The following EXT1 variants were observed in gnomAD, a reference collection of about 807,000 sequenced individuals.
The protein encoded by EXT1 is exostosin-1.
In EXT1, 20 loss-of-function variants were observed where a neutral mutation model predicts 82.5. That is an observed-to-expected ratio of 0.24 (90% CI 0.17 to 0.35). The LOEUF is 0.35. EXT1 is among the 10% of genes least tolerant of loss of function. The probability of loss-of-function intolerance (pLI) is 1.00; values close to 1 mark genes in which losing one functional copy is unlikely to be tolerated. For synonymous variants in EXT1, 348 were observed against 350.8 expected, an observed-to-expected ratio of 0.99 and a Z score of 0.09; for missense variants, 757 against 936.5, an observed-to-expected ratio of 0.81 and a Z score of 2.50.
chr8:118,068,062 T>C (rs947542366), intron 1 of EXT1, among the ~76,000 whole-genome samples: 2 of 152,190 alleles, frequency 1.3e-5, no homozygotes, highest in African/African-American at 4.8e-5. Context: ...AAAAACACTT[T>C]CATTTAATCT....
chr8:117,815,196 C>T (rs1811783508), intron 7 of EXT1, among the ~76,000 whole-genome samples: 1 of 152,188 alleles, frequency 6.6e-6, no homozygotes, highest in African/African-American at 2.4e-5. Flanking sequence ...TTAGCACTGC[C>T]CTGACCTTTC....
At chr8:118,045,613 T>C (rs145026645) in intron 1 of EXT1, among the ~76,000 whole-genome samples, 2 of 152,118 alleles carry the variant, frequency 1.3e-5, no homozygotes, top group African/African-American at 4.8e-5. Flanking sequence ...GCCTCTTCTA[T>C]GTCATCCATC....
intron 1 of EXT1, among the ~76,000 whole-genome samples, chr8:117,890,519 T>C (rs1182397566): frequency 6.6e-6 from 1 of 152,200 alleles, no homozygotes; most frequent in Non-Finnish European, 1.5e-5. Flanking sequence ...AAGCAATGCA[T>C]ATTAAACTCA....
At chr8:117,965,663 G>A (rs1365743440) in intron 1 of EXT1, among the ~76,000 whole-genome samples, 1 of 152,114 alleles carries the variant, frequency 6.6e-6, no homozygotes. Context: ...TAGAAACTGT[G>A]AAAACACTAG....
intron 1 of EXT1, among the ~76,000 whole-genome samples, chr8:117,908,032 A>AG (rs1813574720): frequency 6.6e-6 from 1 of 152,246 alleles, no homozygotes; most frequent in African/African-American, 2.4e-5. Flanking sequence ...TTTCTTAAAT[A>AG]GGATCTAAAG....
At chr8:117,893,678 C>G (rs1813286948) in intron 1 of EXT1, among the ~76,000 whole-genome samples, 1 of 152,174 alleles carries the variant, frequency 6.6e-6, no homozygotes, top group Non-Finnish European at 1.5e-5. Context: ...CCTGGACTAA[C>G]CACGCTTTGA....
intron 1 of EXT1, among the ~76,000 whole-genome samples, chr8:118,068,446 T>G (rs1261501480): frequency 1.3e-5 from 2 of 152,192 alleles, no homozygotes; most frequent in African/African-American, 2.4e-5. Context: ...AAGCCCAGCA[T>G]GCATTAGCTC....
At chr8:117,916,950 C>T (rs567312939) in intron 1 of EXT1, among the ~76,000 whole-genome samples, 95 of 151,716 alleles carry the variant, frequency 6.3e-4, no homozygotes, top group Non-Finnish European at 1.2e-3. Flanking sequence ...TTAACAATAC[C>T]GTTTAAGAAA....
intron 1 of EXT1, among the ~76,000 whole-genome samples, chr8:118,015,338 A>C (rs1033684613): frequency 6.6e-6 from 1 of 152,196 alleles, no homozygotes; most frequent in Non-Finnish European, 1.5e-5. Context: ...TCTTTTACCA[A>C]TAGGTATCAC....
At chr8:117,862,682 T>C (rs1040997560) in intron 1 of EXT1, among the ~76,000 whole-genome samples, 3 of 145,570 alleles carry the variant, frequency 2.1e-5, no homozygotes, top group African/African-American at 7.3e-5. Flanking sequence ...TTACTGACAC[T>C]GAAGTCCTGC....
chr8:117,983,084 C>T (rs1489444070), intron 1 of EXT1, among the ~76,000 whole-genome samples: 1 of 152,194 alleles, frequency 6.6e-6, no homozygotes, highest in African/African-American at 2.4e-5. Context: ...GATTTTTAGT[C>T]TTCCTGAAGG....
rs114116198 is a variant in EXT1, at chr8:117,869,650, A to C, written c.963-32449T>G. 5.2e-3 allele frequency among the ~76,000 whole-genome samples: 797 copies of C among 152,326 alleles called. 9 individuals carry two copies. The highest frequency in any genetic ancestry group is 0.018 in the African/African-American group (755 of 41,566). On this transcript the variant is annotated intron_variant, in intron 1 of 10. Transcript: ENST00000378204. ...TATCACTTTATACTATCTACATCTT[A>C]ATGTCAAACGCAATAATCTCTAGCA...
intron 9 of EXT1, among the ~76,000 whole-genome samples, chr8:117,806,368 A>T (rs1823236196): frequency 6.6e-6 from 1 of 152,022 alleles, no homozygotes; most frequent in Non-Finnish European, 1.5e-5. Flanking sequence ...AGGATTTATC[A>T]CTGTGTTAAA....
At chr8:118,084,042 T>C (rs959438535) in intron 1 of EXT1, among the ~76,000 whole-genome samples, 3 of 152,158 alleles carry the variant, frequency 2.0e-5, no homozygotes, top group African/African-American at 4.8e-5. Flanking sequence ...GATTTATCTT[T>C]GACCTAGTAA....
rs1375616187 is a variant in EXT1 at position 117,796,361 on chromosome 8, T to G, written c.*3351A>C. 2.3e-5 allele frequency: 2 copies of G among 86,022 alleles called. No homozygotes were observed. The highest frequency in any genetic ancestry group is 6.0e-5 in the Non-Finnish European group (2 of 33,410). The allele number at this position is 86,022 out of a possible 1,614,324, so 5.3% of individuals were successfully genotyped here. On this transcript the variant is annotated 3_prime_UTR_variant, in exon 11 of 11. Transcript: ENST00000378204. ...TTTGTTCTTAAATCAAGTGCCCTGT[T>G]TTTTTTTTTTTTAATTAAAAAAAAT... is the stretch of plus-strand genomic sequence containing the variant.
chr8:117,975,687 C>T lies in EXT1; in HGVS notation c.962+134398G>A, dbSNP rs1459072681. ...CAATGGTTTTCATTTTCTGCCCCCA[C>T]CACCAAACTGTCAGCTACTTGAAAA... is the stretch of plus-strand genomic sequence containing the variant. On this transcript the variant is annotated intron_variant, in intron 1 of 10. Coordinates refer to ENST00000378204, the MANE Select transcript of EXT1 (RefSeq NM_000127.3). 2.6e-5 allele frequency among the ~76,000 whole-genome samples: 4 copies of T among 152,206 alleles called. No homozygotes were observed. In the East Asian group the frequency reaches 5.8e-4, roughly 22 times the overall value.
chr8:117,929,807 C>T (rs2129646291), intron 1 of EXT1, among the ~76,000 whole-genome samples: 1 of 152,276 alleles, frequency 6.6e-6, no homozygotes, highest in East Asian at 1.9e-4. Context: ...TAATGTGTCT[C>T]ATAGAAAAGT....
intron 1 of EXT1, among the ~76,000 whole-genome samples, chr8:117,948,788 T>A (rs1814436988): frequency 1.3e-5 from 2 of 152,202 alleles, no homozygotes; most frequent in South Asian, 4.1e-4. Flanking sequence ...TTTGTCTTGG[T>A]CTTCATTTTT....
chr8:118,093,953 A>G lies in EXT1; in HGVS notation c.962+16132T>C, dbSNP rs571282156. On this transcript the variant is annotated intron_variant, in intron 1 of 10. Transcript: ENST00000378204. The stretch of plus-strand genomic sequence containing the variant: ...CAGCCCTTCAAATTGTTGAAAGTAG[A>G]AAGTCATTCACTGTTATCGCGCTTC... 5.9e-5 allele frequency among the ~76,000 whole-genome samples: 9 copies of G among 152,360 alleles called. No individual in the cohort carries two copies. In the South Asian group the frequency reaches 1.9e-3, roughly 32 times the overall value.
Sources: allele counts gnomAD v4.1 joint callset (sites outside exome capture counted in the v4.1 genomes callset), GRCh38; gene constraint gnomAD v4.1.1; transcripts MANE v1.5; gene names NCBI Gene and HGNC (gene_info 2026-07-23, HGNC 2026-07-21).